Variants in UVRAG observed in about 807,000 individuals in gnomAD.
The protein encoded by UVRAG is UV radiation resistance associated.
A neutral mutation model predicts 78.0 loss-of-function variants in UVRAG; 19 were observed. The observed-to-expected ratio is 0.24, with a 90% CI of 0.17 to 0.36. The LOEUF (loss-of-function observed/expected upper bound fraction) is 0.36. Ranked by LOEUF, UVRAG falls within the 10% of genes least tolerant of loss-of-function variation. UVRAG has a pLI of 1.00. For synonymous variants in UVRAG, 323 were observed against 324.6 expected, an observed-to-expected ratio of 1.00 and a Z score of 0.05; for missense variants, 740 against 853.8, an observed-to-expected ratio of 0.87 and a Z score of 1.66.
intron 13 of UVRAG, among the ~76,000 whole-genome samples, chr11:76,071,896 G>A (rs1166026245): frequency 6.6e-6 from 1 of 152,200 alleles, no homozygotes; most frequent in Admixed American, 6.5e-5. Flanking sequence ...TCCAGGAGAT[G>A]GGAGTGGGGC....
In UVRAG at chr11:75,815,231, CCAGCGGCGG is replaced by C. The variant is rs1387712241; in HGVS notation, c.-174_-166del. 104 of 445,400 alleles carry C rather than the reference CCAGCGGCGG, an allele frequency of 2.3e-4. No individual in the cohort carries two copies. The highest frequency in any genetic ancestry group is 2.0e-3 in the African/African-American group (96 of 48,680). The allele number at this position is 445,400 out of a possible 1,614,324, so 27.6% of individuals were successfully genotyped here. On this transcript the variant is annotated 5_prime_UTR_variant, in exon 1 of 15. Coordinates refer to ENST00000356136, the MANE Select transcript of UVRAG (RefSeq NM_003369.4). ...CTGCGGTAATATGGCTCTTCCTTAG[CCAGCGGCGG>C]CAACGGCGGCAGCGGCGGCAGCGGC...
At chr11:75,963,941 G>A (rs1279143982) in intron 7 of UVRAG, among the ~76,000 whole-genome samples, 4 of 152,060 alleles carry the variant, frequency 2.6e-5, no homozygotes, top group South Asian at 2.1e-4. Flanking sequence ...GATTATAGAC[G>A]TGTACCAGCA....
chr11:75,863,560 T>G (rs1164333009), intron 3 of UVRAG, among the ~76,000 whole-genome samples: 1 of 152,248 alleles, frequency 6.6e-6, no homozygotes, highest in East Asian at 1.9e-4. Context: ...ATTGGATTTA[T>G]TAGATCTTCC....
Position 75,888,874 on chromosome 11 carries a change from G to A in UVRAG, c.478G>A (p.Gly160Arg), listed in dbSNP as rs753222888. The A allele has an allele frequency of 1.2e-6, 2 of 1,613,566 alleles. No individual in the cohort carries two copies. Among genetic ancestry groups the A allele is most frequent in the Non-Finnish European group, 1.7e-6 (2 of 1,179,800 alleles). Reference protein sequence around the residue: ...QNEIIFGLNDGYYGAPFEHKG... With the variant: ...QNEIIFGLNDRYYGAPFEHKG... Reference sequence around the variant, plus strand: ...TGAAATAATTTTTGGGCTGAATGATGGATACTATGGTGCTCCATTTGAACA... The same window carrying A: ...TGAAATAATTTTTGGGCTGAATGATAGATACTATGGTGCTCCATTTGAACA... Residue 160 changes from glycine to arginine, a missense_variant, in exon 5 of 15, where the codon GGA (glycine) becomes AGA (arginine). Coordinates refer to ENST00000356136, the MANE Select transcript of UVRAG (RefSeq NM_003369.4).
At chr11:76,054,022 T>C (rs1239642266) in intron 12 of UVRAG, among the ~76,000 whole-genome samples, 1 of 151,252 alleles carries the variant, frequency 6.6e-6, no homozygotes, top group Non-Finnish European at 1.5e-5. Flanking sequence ...GGATACAGTA[T>C]AGGTTTGGTT....
intron 12 of UVRAG, among the ~76,000 whole-genome samples, chr11:76,064,988 A>G (rs1006713279): frequency 1.3e-5 from 2 of 152,232 alleles, no homozygotes; most frequent in Non-Finnish European, 2.9e-5. Flanking sequence ...GACTATAGGT[A>G]TGCTCTAAAC....
intron 6 of UVRAG, among the ~76,000 whole-genome samples, chr11:75,915,694 ATC>A (rs978375318): frequency 3.3e-5 from 5 of 152,250 alleles, no homozygotes; most frequent in Non-Finnish European, 5.9e-5. Context: ...AACTAAAAAA[ATC>A]TCTTAGTATG....
At chr11:76,130,694 G>T (rs937511406) in intron 14 of UVRAG, among the ~76,000 whole-genome samples, 1 of 152,204 alleles carries the variant, frequency 6.6e-6, no homozygotes, top group Non-Finnish European at 1.5e-5. Context: ...GAGTTTATTA[G>T]AGAGCTGATG....
intron 13 of UVRAG, among the ~76,000 whole-genome samples, chr11:76,092,969 G>A (rs1302260329): frequency 1.2e-4 from 19 of 152,146 alleles, no homozygotes; most frequent in Non-Finnish European, 2.5e-4. Context: ...ATGGTTTTAG[G>A]TCTAACATTT....
chr11:75,851,127 C>G (rs1946145083), intron 1 of UVRAG, among the ~76,000 whole-genome samples: 1 of 152,226 alleles, frequency 6.6e-6, no homozygotes, highest in African/African-American at 2.4e-5. Context: ...GCCCAGACTT[C>G]AGCGTTGCCA....
At chr11:76,130,050 A>G (rs776018798) in intron 14 of UVRAG, among the ~76,000 whole-genome samples, 8 of 152,134 alleles carry the variant, frequency 5.3e-5, no homozygotes, top group Non-Finnish European at 7.3e-5. Context: ...CTTCTACCAT[A>G]GAACTCTTCA....
In UVRAG at chr11:75,888,844, C is replaced by A; in HGVS notation, c.448C>A (p.Gln150Lys). 1 of 1,613,266 alleles carries A rather than the reference C, an allele frequency of 6.2e-7. No individual in the cohort carries two copies. The highest frequency in any genetic ancestry group is 8.5e-7 in the Non-Finnish European group (1 of 1,179,686). ...CCTCTCTTAGATTCATGCCCGAAAC[C>A]AAAATGAAATAATTTTTGGGCTGAA... is the stretch of plus-strand genomic sequence containing the variant. ...YLGQQIHARN[Q>K]NEIIFGLNDG... The change falls in exon 5 of 15, where the codon CAA becomes AAA. Residue 150 changes from glutamine (Q) to lysine (K), a missense_variant. Gln to Lys is a moderately conservative substitution (Grantham distance 53, BLOSUM62 1). Coordinates refer to ENST00000356136, the MANE Select transcript of UVRAG (RefSeq NM_003369.4).
intron 5 of UVRAG, among the ~76,000 whole-genome samples, chr11:75,893,826 G>GAA (rs1031289836): frequency 2.2e-5 from 3 of 135,714 alleles, no homozygotes; most frequent in African/African-American, 5.4e-5. Context: ...CTATGTGACA[G>GAA]AAAAAAAAAA....
chr11:75,933,843 G>A (rs1183017425), intron 6 of UVRAG, among the ~76,000 whole-genome samples: 1 of 152,120 alleles, frequency 6.6e-6, no homozygotes, highest in Non-Finnish European at 1.5e-5. Flanking sequence ...CCAAAAGATA[G>A]GCAATAACAA....
intron 12 of UVRAG, among the ~76,000 whole-genome samples, chr11:76,030,338 A>C (rs1950412383): frequency 6.6e-6 from 1 of 152,058 alleles, no homozygotes; most frequent in Admixed American, 6.6e-5. Context: ...CGGCCAAGAT[A>C]CTAACTTTTC....
At chr11:76,139,632 T>C (rs1399286692) in intron 14 of UVRAG, among the ~76,000 whole-genome samples, 1 of 152,230 alleles carries the variant, frequency 6.6e-6, no homozygotes, top group African/African-American at 2.4e-5. Context: ...CATATGGTTG[T>C]ATTGAAGCTA....
In UVRAG at chr11:75,983,435, G is replaced by A. The variant is rs1949433091; in HGVS notation, c.748G>A (p.Glu250Lys). The A allele has an allele frequency of 6.2e-7, 1 of 1,610,320 alleles. No homozygotes were observed. The highest frequency in any genetic ancestry group is 1.7e-5 in the Admixed American group (1 of 59,762). ...LQLKILVLQN[E>K]LERQKKALGR... ...GTTAAAAATTTTGGTGCTTCAGAATGAACTGGAACGGCAGAAGAAAGCTTT... is the reference window on the plus strand; with the variant it reads ...GTTAAAAATTTTGGTGCTTCAGAATAAACTGGAACGGCAGAAGAAAGCTTT... The change falls in exon 8 of 15, where the codon GAA becomes AAA. Residue 250 changes from glutamate (E) to lysine (K), a missense_variant. Coordinates refer to ENST00000356136, the MANE Select transcript of UVRAG (RefSeq NM_003369.4).
At chr11:76,034,537 T>TA (rs1433320141) in intron 12 of UVRAG, among the ~76,000 whole-genome samples, 1 of 152,180 alleles carries the variant, frequency 6.6e-6, no homozygotes, top group Non-Finnish European at 1.5e-5. Context: ...GGCTACTTTT[T>TA]AAAAGTCTAG....
intron 8 of UVRAG, among the ~76,000 whole-genome samples, chr11:75,988,292 A>G (rs1414176382): frequency 2.0e-5 from 3 of 152,146 alleles, no homozygotes; most frequent in African/African-American, 7.2e-5. Context: ...CCATCGTTTG[A>G]CCACTAGCAA....
Sources: gnomAD v4.1 joint callset for allele counts (sites outside exome capture counted in the v4.1 genomes callset) on GRCh38, gnomAD v4.1.1 for gene constraint, MANE v1.5 for transcripts, NCBI Gene and HGNC (gene_info 2026-07-23, HGNC 2026-07-21) for gene names.